LPGAT1: variants seen among roughly 807,000 people sequenced by gnomAD.
LPGAT1 encodes lysophosphatidylglycerol acyltransferase 1, also known as acyl-CoA:lysophosphatidylglycerol acyltransferase 1.
Under a neutral mutation model 47.5 loss-of-function variants are expected in LPGAT1, and 11 were observed. That is an observed-to-expected ratio of 0.23 (90% CI 0.15 to 0.38). The LOEUF (loss-of-function observed/expected upper bound fraction) is 0.38. Among genes scored for constraint, LPGAT1 ranks in the 10% least tolerant of loss-of-function variants. The pLI is 1.00. For missense variants in LPGAT1, 293 were observed against 439.0 expected, an observed-to-expected ratio of 0.67 and a Z score of 2.97; for synonymous variants, 138 against 144.2, an observed-to-expected ratio of 0.96 and a Z score of 0.31.
Position 211,830,607 on chromosome 1 carries a change from A to G in LPGAT1, c.-62T>C. Reference sequence around the variant, plus strand: ...GCCGGGCCCCAGCCGGGGCTTTGGGAGTCAGAGGAGCCGGAAGAATGCATG... The same window carrying G: ...GCCGGGCCCCAGCCGGGGCTTTGGGGGTCAGAGGAGCCGGAAGAATGCATG... On this transcript the variant is annotated 5_prime_UTR_variant, in exon 1 of 8. Transcript: ENST00000366997. The surrounding 1 kb of genome is among the most constrained non-coding windows in gnomAD (Gnocchi z 5.9). 8.9e-7 allele frequency: 1 copy of G among 1,128,408 alleles called. No individual in the cohort carries two copies. The highest frequency in any genetic ancestry group is 1.1e-6 in the Non-Finnish European group (1 of 925,420). 69.9% of individuals were successfully genotyped at this position (1,128,408 alleles called of 1,614,324 possible).
At position 211,829,139 on chromosome 1, in the gene LPGAT1, C is replaced by A. The variant is rs753305278; in HGVS notation, c.158G>T (p.Arg53Leu). 6.2e-7 allele frequency: 1 copy of A among 1,614,114 alleles called. No homozygotes were observed. Among genetic ancestry groups the A allele is most frequent in the South Asian group, 1.1e-5 (1 of 91,074 alleles). The change falls in exon 2 of 8, where the codon CGG becomes CTG. Residue 53 changes from arginine to leucine, a missense_variant. Physicochemically the swap from Arg to Leu is moderately radical, Grantham distance 102 (BLOSUM62 -2). Transcript: ENST00000366997. The stretch of plus-strand genomic sequence containing the variant: ...CATGATTCCTTCGATATACCAGAAC[C>A]GCTTACTGTCCAGCACTCGAAGGGG... ...LQPLRVLDSK[R>L]FWYIEGIMYK...
At chr1:211,828,308 T>A (rs986777858) in intron 2 of LPGAT1, among the ~76,000 whole-genome samples, 1 of 152,228 alleles carries the variant, frequency 6.6e-6, no homozygotes, top group Non-Finnish European at 1.5e-5. Context: ...CGATACAGAA[T>A]TTTCACAGCA....
chr1:211,779,662 C>T (rs746906888), intron 5 of LPGAT1, among the ~76,000 whole-genome samples: 4 of 151,868 alleles, frequency 2.6e-5, no homozygotes, highest in Non-Finnish European at 5.9e-5. Flanking sequence ...ACTGGCCTGG[C>T]CAGCGTGGTG....
At chr1:211,761,448 AG>A (rs1049871204) in intron 6 of LPGAT1, among the ~76,000 whole-genome samples, 5 of 152,162 alleles carry the variant, frequency 3.3e-5, no homozygotes, top group Non-Finnish European at 5.9e-5. Context: ...AGGGATTACA[AG>A]AAAAAAAAAT....
chr1:211,817,628 C>T (rs1169080765), intron 2 of LPGAT1, among the ~76,000 whole-genome samples: 1 of 151,632 alleles, frequency 6.6e-6, no homozygotes, highest in Non-Finnish European at 1.5e-5. Flanking sequence ...TAATTATATT[C>T]TTAAGAAGAA....
chr1:211,772,714 A>C (rs976575493), intron 6 of LPGAT1, among the ~76,000 whole-genome samples: 2 of 152,174 alleles, frequency 1.3e-5, no homozygotes, highest in African/African-American at 2.4e-5. Context: ...ATTGACCATA[A>C]TTTGGCAATT....
chr1:211,779,187 C>T, intron 5 of LPGAT1, 143 bp from the exon 6 acceptor site: 1 of 549,386 alleles, frequency 1.8e-6, no homozygotes, highest in Non-Finnish European at 3.1e-6. Flanking sequence ...TTTGGTGCTC[C>T]TGTTCTATAA....
chr1:211,785,099 A>G (rs6540708), intron 4 of LPGAT1, among the ~76,000 whole-genome samples: 20,622 of 152,032 alleles, frequency 0.14, 1,578 homozygotes, highest in Non-Finnish European at 0.16. Flanking sequence ...CACTGCGCCC[A>G]GCCGGTTCTT....
intron 7 of LPGAT1, among the ~76,000 whole-genome samples, 169 bp downstream of exon 7, chr1:211,750,792 T>C (rs1426498466): frequency 6.6e-6 from 1 of 152,244 alleles, no homozygotes; most frequent in Non-Finnish European, 1.5e-5. Context: ...GTCTTTGTCC[T>C]TGCTGATAAT....
chr1:211,801,195 A>G (rs964652683), intron 2 of LPGAT1, among the ~76,000 whole-genome samples: 1 of 152,226 alleles, frequency 6.6e-6, no homozygotes, highest in Non-Finnish European at 1.5e-5. Flanking sequence ...TCCCCATGCA[A>G]AAGTTACCCT....
At position 211,772,689 on chromosome 1, in the gene LPGAT1, C is replaced by A. The variant is rs75307223; in HGVS notation, c.854+6229G>T. On this transcript the variant is annotated intron_variant, in intron 6 of 7. Transcript: ENST00000366997. The stretch of plus-strand genomic sequence containing the variant: ...ATAATCCACTGGGGTCTGAAAATAA[C>A]GTAGAGGAAATAACATTGACCATAA... Among the ~76,000 whole-genome samples, 712 of 152,150 alleles carry A rather than the reference C, an allele frequency of 4.7e-3. 15 individuals carry two copies. Among genetic ancestry groups the A allele is most frequent in the East Asian group, 0.033 (171 of 5,180 alleles).
intron 2 of LPGAT1, among the ~76,000 whole-genome samples, chr1:211,802,499 T>C (rs1659613771): frequency 6.6e-6 from 1 of 151,442 alleles, no homozygotes; most frequent in Non-Finnish European, 1.5e-5. Context: ...ATGATGATAA[T>C]AACCATGAGA....
At chr1:211,808,969 G>A (rs1231940032) in intron 2 of LPGAT1, among the ~76,000 whole-genome samples, 3 of 151,776 alleles carry the variant, frequency 2.0e-5, no homozygotes, top group East Asian at 1.9e-4. Flanking sequence ...AGGCTGAGGT[G>A]GGCGGATCAC....
At chr1:211,818,807 C>CA (rs1453776918) in intron 2 of LPGAT1, among the ~76,000 whole-genome samples, 2 of 152,182 alleles carry the variant, frequency 1.3e-5, no homozygotes, top group African/African-American at 2.4e-5. Context: ...GTTTTGATGA[C>CA]ATTTTCTTAC....
intron 6 of LPGAT1, among the ~76,000 whole-genome samples, chr1:211,778,500 CT>C (rs766338726): frequency 6.6e-5 from 10 of 152,126 alleles, no homozygotes; most frequent in Non-Finnish European, 1.5e-4. Flanking sequence ...CTTTACTTTC[CT>C]AATAAACTTG....
intron 6 of LPGAT1, among the ~76,000 whole-genome samples, chr1:211,774,118 T>C (rs1032355290): frequency 7.7e-6 from 1 of 129,706 alleles, no homozygotes; most frequent in Non-Finnish European, 1.6e-5. Flanking sequence ...AAGTGCTTTG[T>C]GTTTTTTAAA....
chr1:211,809,224 A>G (rs1348898329), intron 2 of LPGAT1, among the ~76,000 whole-genome samples: 1 of 152,024 alleles, frequency 6.6e-6, no homozygotes, highest in Non-Finnish European at 1.5e-5. Flanking sequence ...AATTGTGTTA[A>G]ACCACTGAGA....
rs529748283 is a variant in LPGAT1 at position 211,747,727 on chromosome 1, C to T, written c.*2172G>A. ...CATTTCATCCAGTAATTTAGTGGTGCTTGCTGGGCCTCAAACAGAAGCATC... is the reference window on the plus strand; with the variant it reads ...CATTTCATCCAGTAATTTAGTGGTGTTTGCTGGGCCTCAAACAGAAGCATC... On this transcript the variant is annotated 3_prime_UTR_variant, in exon 8 of 8. Transcript: ENST00000366997. 4 of 152,290 alleles carry T rather than the reference C, an allele frequency of 2.6e-5. No homozygotes were observed. Among genetic ancestry groups the T allele is most frequent in the Non-Finnish European group, 5.9e-5 (4 of 68,020 alleles). The allele number at this position is 152,290 out of a possible 1,614,324, so 9.4% of individuals were successfully genotyped here.
chr1:211,792,872 C>T (rs1659189312), intron 3 of LPGAT1, among the ~76,000 whole-genome samples, 200 bp downstream of exon 3: 1 of 151,896 alleles, frequency 6.6e-6, no homozygotes, highest in African/African-American at 2.4e-5. Flanking sequence ...CCACCACGCC[C>T]AGCTAATTTC....
Sources: allele counts gnomAD v4.1 joint callset (sites outside exome capture counted in the v4.1 genomes callset), GRCh38; gene constraint gnomAD v4.1.1; non-coding constraint Gnocchi (gnomAD v3.1); transcripts MANE v1.5; gene names NCBI Gene and HGNC (gene_info 2026-07-23, HGNC 2026-07-21).